MDN1: variants seen among roughly 807,000 people sequenced by gnomAD.
MDN1 encodes midasin AAA ATPase 1.
In MDN1, 266 loss-of-function variants were observed where a neutral mutation model predicts 669.2. That is an observed-to-expected ratio of 0.40 (90% CI 0.36 to 0.44). The LOEUF is 0.44. Ranked by LOEUF, MDN1 falls within the 20% of genes least tolerant of loss-of-function variation. The probability of loss-of-function intolerance (pLI) is 1.00; values close to 1 mark genes in which losing one functional copy is unlikely to be tolerated. For missense variants in MDN1, 5,940 were observed against 6,754.0 expected (o/e 0.88, Z 4.22); for synonymous variants, 2,385 against 2,457.1 (o/e 0.97, Z 0.87).
intron 36 of MDN1, among the ~76,000 whole-genome samples, chr6:89,728,215 G>A (rs1815358830): frequency 6.6e-6 from 1 of 151,446 alleles, no homozygotes; most frequent in Non-Finnish European, 1.5e-5. Flanking sequence ...GGCTGTACTT[G>A]GAATTTAATT....
At chr6:89,687,278 T>G (rs1451332265) in intron 68 of MDN1, 66 bp downstream of exon 68, 2 of 1,444,574 alleles carry the variant, frequency 1.4e-6, no homozygotes, top group Admixed American at 2.0e-5. Flanking sequence ...CCTAAAGAAA[T>G]TTAAACTACC....
chr6:89,644,196 G>A lies in MDN1; in HGVS notation c.16603-3C>T. 9 of 1,601,448 alleles carry A rather than the reference G, an allele frequency of 5.6e-6. No homozygotes were observed. Among genetic ancestry groups the A allele is most frequent in the Non-Finnish European group, 7.7e-6 (9 of 1,174,076 alleles). On this transcript the variant is annotated splice_region_variant and splice_polypyrimidine_tract_variant and intron_variant, in intron 101 of 101. Coordinates refer to ENST00000369393, the MANE Select transcript of MDN1 (RefSeq NM_014611.3). ...ACTTTAATGTCCAAGATAGAATCCTGTCAACAAAAGACATTTTGAAATGGG... is the reference window on the plus strand; with the variant it reads ...ACTTTAATGTCCAAGATAGAATCCTATCAACAAAAGACATTTTGAAATGGG...
In MDN1 at chr6:89,756,862, T is replaced by A. The variant is rs188651142; in HGVS notation, c.2703-472A>T. Among the ~76,000 whole-genome samples, 4 of 150,958 alleles carry A rather than the reference T, an allele frequency of 2.6e-5. No homozygotes were observed. In the East Asian group the frequency reaches 5.9e-4, roughly 22 times the overall value. ...CGTGAACCCAGGAGGCAGAGCCTGC[T>A]GTGAGCCGAGGTTGCGCCACTGCAC... On this transcript the variant is annotated intron_variant, in intron 19 of 101. Transcript: ENST00000369393.
intron 1 of MDN1, chr6:89,814,852 C>A: frequency 4.1e-6 from 2 of 490,564 alleles, no homozygotes; most frequent in South Asian, 3.0e-5. Flanking sequence ...TAAGAGCCGT[C>A]AACCTCAACC....
At chr6:89,774,486 C>T in intron 13 of MDN1, 135 bp downstream of exon 13, 2 of 592,584 alleles carry the variant, frequency 3.4e-6, no homozygotes, top group Admixed American at 6.1e-5. Context: ...GAAAACACTG[C>T]TCCTTCCCAT....
At chr6:89,790,698 G>A (rs150126822) in intron 5 of MDN1, among the ~76,000 whole-genome samples, 146 of 151,846 alleles carry the variant, frequency 9.6e-4, no homozygotes, top group African/African-American at 3.1e-3. Context: ...CAGAGACCCC[G>A]ACTCTAGAAA....
At chr6:89,683,769 G>C in intron 72 of MDN1, 62 bp downstream of exon 72, 1 of 1,252,232 alleles carries the variant, frequency 8.0e-7, no homozygotes, top group Non-Finnish European at 1.2e-6. Flanking sequence ...ATGTCGTTTT[G>C]CTCCCTACCA....
intron 63 of MDN1, among the ~76,000 whole-genome samples, chr6:89,691,894 G>A (rs868849838): frequency 6.8e-4 from 104 of 152,114 alleles, no homozygotes; most frequent in African/African-American, 2.1e-3. Flanking sequence ...AAAAGCTGCT[G>A]CTACTACAAA....
chr6:89,657,092 T>C (rs1329554442), intron 90 of MDN1, among the ~76,000 whole-genome samples: 1 of 152,202 alleles, frequency 6.6e-6, no homozygotes, highest in South Asian at 2.1e-4. Flanking sequence ...CAGACCTCAA[T>C]TAGAAACCAG....
chr6:89,763,181 T>C (rs1047732914), intron 15 of MDN1, among the ~76,000 whole-genome samples: 3 of 152,116 alleles, frequency 2.0e-5, no homozygotes, highest in Admixed American at 6.6e-5. Context: ...TTCATTAAGG[T>C]TGACCAAAAT....
chr6:89,648,170 A>G (rs1808606601), intron 98 of MDN1, 24 bp from the exon 99 acceptor site: 2 of 1,607,860 alleles, frequency 1.2e-6, no homozygotes, highest in Non-Finnish European at 1.7e-6. Context: ...AACCAAATAC[A>G]ACAGGAGTTA....
chr6:89,738,478 A>G, intron 32 of MDN1, 23 bp from the exon 33 acceptor site: 1 of 1,612,116 alleles, frequency 6.2e-7, no homozygotes, highest in Non-Finnish European at 8.5e-7. Context: ...CAAAACTTCA[A>G]TGTGAATTTT....
At chr6:89,747,890 CAAA>C (rs55885838) in intron 26 of MDN1, among the ~76,000 whole-genome samples, 58 of 84,032 alleles carry the variant, frequency 6.9e-4, no homozygotes, top group African/African-American at 1.9e-3. Context: ...GACTCCGTCT[CAAA>C]AAAAAAAAAA....
intron 8 of MDN1, among the ~76,000 whole-genome samples, chr6:89,785,504 C>G (rs988945060): frequency 2.0e-5 from 3 of 152,094 alleles, no homozygotes; most frequent in African/African-American, 7.2e-5. Flanking sequence ...CTGCTTGTTA[C>G]CAGAAGCTAC....
At chr6:89,807,523 C>T (rs567081334) in intron 1 of MDN1, among the ~76,000 whole-genome samples, 2 of 152,226 alleles carry the variant, frequency 1.3e-5, no homozygotes, top group East Asian at 1.9e-4. Context: ...TTATTTATTA[C>T]TTGTTTCTAG....
chr6:89,646,778 G>A (rs952421723), intron 99 of MDN1, among the ~76,000 whole-genome samples, 175 bp from the exon 100 acceptor site: 2 of 152,132 alleles, frequency 1.3e-5, no homozygotes, highest in Non-Finnish European at 2.9e-5. Flanking sequence ...GAGGATCCTT[G>A]GATACAGACA....
intron 73 of MDN1, among the ~76,000 whole-genome samples, chr6:89,682,427 G>A (rs1004675776): frequency 6.6e-6 from 1 of 152,082 alleles, no homozygotes; most frequent in Non-Finnish European, 1.5e-5. Flanking sequence ...CTAAAAGTTC[G>A]GCCAGGAGCG....
Position 89,644,152 on chromosome 6 carries a change from A to G in MDN1, c.16644T>C (p.Pro5548=). Residue 5548 remains proline, a synonymous_variant, in exon 102 of 102, where the codon CCT becomes CCC. Transcript: ENST00000369393. ...AGGATCGGATTTCAGGCATCTCTCC[A>G]GGTCCTTTAAATATCGGTACTTTAA... The part of the protein sequence containing the change: ...LDIKVPIFKG[P]GEMPEIRSYM... 2 of 1,613,366 alleles carry G rather than the reference A, an allele frequency of 1.2e-6. No homozygotes were observed. The highest frequency in any genetic ancestry group is 1.7e-6 in the Non-Finnish European group (2 of 1,179,832).
intron 2 of MDN1, among the ~76,000 whole-genome samples, chr6:89,796,775 TA>T (rs929810668): frequency 2.0e-5 from 3 of 152,128 alleles, no homozygotes; most frequent in African/African-American, 7.2e-5. Context: ...TTTAATTTTA[TA>T]AAAATTTCTG....
Sources: allele counts gnomAD v4.1 joint callset (sites outside exome capture counted in the v4.1 genomes callset), GRCh38; gene constraint gnomAD v4.1.1; transcripts MANE v1.5; gene names NCBI Gene and HGNC (gene_info 2026-07-23, HGNC 2026-07-21).